The following VCPIP1 variants were observed in gnomAD, a reference collection of about 807,000 sequenced individuals.
The protein encoded by VCPIP1 is deubiquitinating protein VCPIP1.
In VCPIP1, 8 loss-of-function variants were observed where a neutral mutation model predicts 85.0. The observed-to-expected ratio is 0.09, with a 90% CI of 0.06 to 0.17. VCPIP1 has a LOEUF of 0.17. Ranked by LOEUF, VCPIP1 falls within the 10% of genes least tolerant of loss-of-function variation. VCPIP1 has a pLI of 1.00. For synonymous variants in VCPIP1, 543 were observed against 544.5 expected (o/e 1.00, Z 0.04); for missense variants, 1,070 against 1,486.3 (o/e 0.72, Z 4.61).
chr8:66,648,868 T>C (rs1292096907), intron 2 of VCPIP1, among the ~76,000 whole-genome samples: 1 of 152,000 alleles, frequency 6.6e-6, no homozygotes, highest in Non-Finnish European at 1.5e-5. Context: ...CAGTAAAACT[T>C]TTAAGTATTC....
chr8:66,666,842 C>T lies in VCPIP1; in HGVS notation c.117G>A (p.Arg39=). ...SAAASGGLLK[R]RDRRILSGSC... ...TCCCGGAAAGGATTCTCCGGTCTCTCCGCTTCAAAAGCCCCCCCGAAGCAG... is the reference window on the plus strand; with the variant it reads ...TCCCGGAAAGGATTCTCCGGTCTCTTCGCTTCAAAAGCCCCCCCGAAGCAG... Residue 39 remains arginine (R), a synonymous_variant, in exon 1 of 3, where the codon CGG becomes CGA. Coordinates refer to ENST00000310421, the MANE Select transcript of VCPIP1 (RefSeq NM_025054.5). The surrounding 1 kb of genome is among the most constrained non-coding windows in gnomAD (Gnocchi z 6.3). 1 of 1,613,642 alleles carries T rather than the reference C, an allele frequency of 6.2e-7. No homozygotes were observed. Among genetic ancestry groups the T allele is most frequent in the Non-Finnish European group, 8.5e-7 (1 of 1,179,980 alleles).
Position 66,666,911 on chromosome 8 carries a change from AGGAGGTGGCGGCGGCAAC to A in VCPIP1, c.30_47del (p.Leu11_Pro16del), listed in dbSNP as rs748378382. 3.1e-6 allele frequency: 5 copies of A among 1,593,016 alleles called. No individual in the cohort carries two copies. The highest frequency in any genetic ancestry group is 1.4e-5 in the African/African-American group (1 of 73,392). On this transcript the variant is annotated inframe_deletion, in exon 1 of 3. Transcript: ENST00000310421. This position sits in a 1 kb window ranked among gnomAD's most constrained non-coding sequence, Gnocchi z 6.3. ...ACGGAGTCTGTGGAGCCTCAGGGGG[AGGAGGTGGCGGCGGCAAC>A]GGAGGCGGCGGCGGCGGCGGCTGAG...
In VCPIP1 at chr8:66,666,596, G is replaced by C. The variant is rs946129725; in HGVS notation, c.363C>G (p.Gly121=). 6.2e-7 allele frequency: 1 copy of C among 1,613,998 alleles called. No homozygotes were observed. Among genetic ancestry groups the C allele is most frequent in the Non-Finnish European group, 8.5e-7 (1 of 1,180,038 alleles). ...KKNTELVKVM[G]LSNYHCKLLS... ...ACAATTTGCAGTGATAGTTGGAAAG[G>C]CCCATCACCTTTACCAGTTCCGTGT... Residue 121 remains glycine (G), a synonymous_variant, in exon 1 of 3, where the codon GGC becomes GGG. Transcript: ENST00000310421. This position sits in a 1 kb window ranked among gnomAD's most constrained non-coding sequence, Gnocchi z 6.3.
rs1375395286 is a variant in VCPIP1 at position 66,644,431 on chromosome 8, A to G, written c.2797+7027T>C. Among the ~76,000 whole-genome samples, 5 of 152,234 alleles carry G rather than the reference A, an allele frequency of 3.3e-5. No individual in the cohort carries two copies. In the South Asian group the frequency reaches 6.2e-4, roughly 19 times the overall value. On this transcript the variant is annotated intron_variant, in intron 2 of 2. Coordinates refer to ENST00000310421, the MANE Select transcript of VCPIP1 (RefSeq NM_025054.5). ...ATCAACAAACCAAAAGAGAAAAACCATATGATCATCTTGATACATGTAGGA... is the reference window on the plus strand; with the variant it reads ...ATCAACAAACCAAAAGAGAAAAACCGTATGATCATCTTGATACATGTAGGA...
intron 1 of VCPIP1, among the ~76,000 whole-genome samples, chr8:66,656,961 A>G (rs1249679090): frequency 6.6e-6 from 1 of 152,146 alleles, no homozygotes; most frequent in Non-Finnish European, 1.5e-5. Context: ...CCTGAAGTGC[A>G]GTGGCGCAAT....
intron 1 of VCPIP1, among the ~76,000 whole-genome samples, chr8:66,659,757 C>A (rs942855686): frequency 4.6e-5 from 7 of 151,892 alleles, no homozygotes; most frequent in African/African-American, 1.7e-4. Flanking sequence ...GTGGCGAAAC[C>A]CCATCTCTAC....
intron 1 of VCPIP1, among the ~76,000 whole-genome samples, chr8:66,653,828 T>C (rs532227658): frequency 2.3e-4 from 35 of 152,320 alleles, no homozygotes; most frequent in Admixed American, 1.1e-3. Context: ...TACACAGATA[T>C]ACCTTATATC....
In VCPIP1 at chr8:66,634,563, C is replaced by G. The variant is rs777865707; in HGVS notation, c.3607G>C (p.Glu1203Gln). Reference sequence around the variant, plus strand: ...TCAGCATCTTGACTATCCATCTCTTCAAGCTCCTCCACGGAATTTCCCCTT... The same window carrying G: ...TCAGCATCTTGACTATCCATCTCTTGAAGCTCCTCCACGGAATTTCCCCTT... ...AQRGNSVEEL[E>Q]EMDSQDAEMT... The change falls in exon 3 of 3, where the codon GAA becomes CAA. Residue 1203 changes from glutamate to glutamine, a missense_variant. Coordinates refer to ENST00000310421, the MANE Select transcript of VCPIP1 (RefSeq NM_025054.5). The G allele has an allele frequency of 6.2e-7, 1 of 1,613,982 alleles. No individual in the cohort carries two copies. Among genetic ancestry groups the G allele is most frequent in the Non-Finnish European group, 8.5e-7 (1 of 1,179,922 alleles).
rs1283808654 is a variant in VCPIP1, at chr8:66,665,148, C to T, written c.1811G>A (p.Arg604Lys). 2 of 1,611,506 alleles carry T rather than the reference C, an allele frequency of 1.2e-6. No individual in the cohort carries two copies. The highest frequency in any genetic ancestry group is 3.3e-5 in the Admixed American group (2 of 59,828). ...ITLEWGGRVV[R>K]ETVYWFQYES... Reference sequence around the variant, plus strand: ...ATACTGGAACCAATATACTGTTTCTCTGACCACTCTTCCACCCCATTCTAA... The same window carrying T: ...ATACTGGAACCAATATACTGTTTCTTTGACCACTCTTCCACCCCATTCTAA... The change falls in exon 1 of 3, where the codon AGA (arginine) becomes AAA (lysine). Residue 604 changes from arginine (R) to lysine (K), a missense_variant. Transcript: ENST00000310421. This position sits in a 1 kb window ranked among gnomAD's most constrained non-coding sequence, Gnocchi z 4.3.
At chr8:66,637,109 G>A (rs1338287150) in intron 2 of VCPIP1, among the ~76,000 whole-genome samples, 9 of 151,448 alleles carry the variant, frequency 5.9e-5, no homozygotes, top group Non-Finnish European at 7.4e-5. Flanking sequence ...CGGGAGGATC[G>A]CTTGGAGTTT....
Position 66,650,247 on chromosome 8 carries a change from G to A in VCPIP1, c.2797+1211C>T, listed in dbSNP as rs115477301. Among the ~76,000 whole-genome samples, 1,180 of 152,262 alleles carry A rather than the reference G, an allele frequency of 7.7e-3. 13 individuals carry two copies. Among genetic ancestry groups the A allele is most frequent in the African/African-American group, 0.027 (1,115 of 41,542 alleles). On this transcript the variant is annotated intron_variant, in intron 2 of 2. Transcript: ENST00000310421. Reference sequence around the variant, plus strand: ...TACTAATCATTATTGAGGCTGGGTAGTAGGTAAATGGGGATTCATTACATT... The same window carrying A: ...TACTAATCATTATTGAGGCTGGGTAATAGGTAAATGGGGATTCATTACATT...
In VCPIP1 at chr8:66,630,121, A is replaced by G. The variant is rs1563564280; in HGVS notation, c.*4380T>C. 1.3e-5 allele frequency: 2 copies of G among 152,176 alleles called. No homozygotes were observed. The highest frequency in any genetic ancestry group is 4.8e-5 in the African/African-American group (2 of 41,426). The allele number at this position is 152,176 out of a possible 1,614,324, so 9.4% of individuals were successfully genotyped here. ...CTTATAGTTTTATTATTGATATAAA[A>G]GAAAACTTCAAATACTGTACAGTAA... On this transcript the variant is annotated 3_prime_UTR_variant, in exon 3 of 3. Transcript: ENST00000310421.
chr8:66,650,680 G>C (rs1049246824), intron 2 of VCPIP1, among the ~76,000 whole-genome samples: 3 of 151,856 alleles, frequency 2.0e-5, no homozygotes, highest in African/African-American at 7.3e-5. Flanking sequence ...ACATTATCTG[G>C]TTCTGGAATA....
intron 1 of VCPIP1, 44 bp from the exon 2 acceptor site, chr8:66,651,588 GTTCCATCCAGGGC>G (rs758028934): frequency 6.5e-7 from 1 of 1,527,790 alleles, no homozygotes; most frequent in Non-Finnish European, 9.0e-7. Flanking sequence ...AAACAAAAGA[GTTCCATCCAGGGC>G]TGCTTTAGTA....
chr8:66,659,163 A>G (rs1325652738), intron 1 of VCPIP1, among the ~76,000 whole-genome samples: 2 of 152,050 alleles, frequency 1.3e-5, no homozygotes, highest in Admixed American at 6.6e-5. Flanking sequence ...CCTGTCTACC[A>G]TGAAAGAAAA....
At chr8:66,638,101 T>G (rs1810906974) in intron 2 of VCPIP1, among the ~76,000 whole-genome samples, 1 of 152,230 alleles carries the variant, frequency 6.6e-6, no homozygotes, top group Non-Finnish European at 1.5e-5. Flanking sequence ...CAATGAATTG[T>G]GTTAAAAACA....
chr8:66,638,966 C>CTATATATATA (rs1352372228), intron 2 of VCPIP1, among the ~76,000 whole-genome samples: 3 of 130,956 alleles, frequency 2.3e-5, no homozygotes, highest in African/African-American at 1.0e-4. Context: ...CTCTCTCTCT[C>CTATATATATA]TCTCTATATA....
At position 66,666,752 on chromosome 8, in the gene VCPIP1, C is replaced by G. The variant is rs775796123; in HGVS notation, c.207G>C (p.Glu69Asp). ...CGTGCCGCTGGCCGCACTCGGTACA[C>G]TCGATGCTGACAGAACCGGAGGCCG... Reference protein sequence around the residue: ...FFPASGSVSIECTECGQRHEQ... With the variant: ...FFPASGSVSIDCTECGQRHEQ... The change falls in exon 1 of 3, where the codon GAG (glutamate) becomes GAC (aspartate). Residue 69 changes from glutamate to aspartate, a missense_variant. Glu to Asp is a conservative substitution (Grantham distance 45). This residue lies in a region of VCPIP1 where 164 missense variants were observed against 158.6 expected (regional missense o/e 1.03). Coordinates refer to ENST00000310421, the MANE Select transcript of VCPIP1 (RefSeq NM_025054.5). The surrounding 1 kb of genome is among the most constrained non-coding windows in gnomAD (Gnocchi z 6.3). 2 of 1,613,872 alleles carry G rather than the reference C, an allele frequency of 1.2e-6. No individual in the cohort carries two copies. Among genetic ancestry groups the G allele is most frequent in the Non-Finnish European group, 1.7e-6 (2 of 1,179,912 alleles).
chr8:66,666,923 C>T lies in VCPIP1; in HGVS notation c.36G>A (p.Pro12=). The T allele has an allele frequency of 6.3e-7, 1 of 1,585,646 alleles. No homozygotes were observed. Among genetic ancestry groups the T allele is most frequent in the Non-Finnish European group, 8.5e-7 (1 of 1,171,392 alleles). Residue 12 remains proline, a synonymous_variant, in exon 1 of 3, where the codon CCG becomes CCA. Coordinates refer to ENST00000310421, the MANE Select transcript of VCPIP1 (RefSeq NM_025054.5). This position sits in a 1 kb window ranked among gnomAD's most constrained non-coding sequence, Gnocchi z 6.3. ...GAGCCTCAGGGGGAGGAGGTGGCGGCGGCAACGGAGGCGGCGGCGGCGGCG... is the reference window on the plus strand; with the variant it reads ...GAGCCTCAGGGGGAGGAGGTGGCGGTGGCAACGGAGGCGGCGGCGGCGGCG... ...SQPPPPPPPL[P]PPPPPPEAPQ... is the part of the protein sequence containing the mutation.
Sources: gnomAD v4.1 joint callset for allele counts (sites outside exome capture counted in the v4.1 genomes callset) on GRCh38, gnomAD v4.1.1 for gene constraint, gnomAD v4.1.1 regional missense constraint, Gnocchi (gnomAD v3.1) non-coding constraint, MANE v1.5 for transcripts, NCBI Gene and HGNC (gene_info 2026-07-23, HGNC 2026-07-21) for gene names.